Variants in RBL2 observed in about 807,000 individuals in gnomAD.
RBL2 encodes RB transcriptional corepressor like 2.
In RBL2, 56 loss-of-function variants were observed where a neutral mutation model predicts 126.0. That is an observed-to-expected ratio of 0.44 (90% CI 0.36 to 0.56). The LOEUF is 0.56. Among genes scored for constraint, RBL2 ranks in the 20% least tolerant of loss-of-function variants. The pLI, the probability that RBL2 is intolerant of heterozygous loss-of-function variation, is 0.00. For synonymous variants in RBL2, 454 were observed against 478.5 expected (o/e 0.95, Z 0.67); for missense variants, 1,229 against 1,398.2 (o/e 0.88, Z 1.93).
At chr16:53,474,301 TTTTA>T (rs58302976) in intron 17 of RBL2, among the ~76,000 whole-genome samples, 48,769 of 149,744 alleles carry the variant, frequency 0.33, 8,583 homozygotes, top group African/African-American at 0.43. Flanking sequence ...GCTGTAATTC[TTTTA>T]TTTATTTATT....
At chr16:53,484,798 G>C (rs1961095646) in intron 21 of RBL2, among the ~76,000 whole-genome samples, 1 of 152,148 alleles carries the variant, frequency 6.6e-6, no homozygotes. Flanking sequence ...CCATGGAGCT[G>C]TACACTTCAA....
At chr16:53,483,814 T>C (rs997795398) in intron 21 of RBL2, among the ~76,000 whole-genome samples, 4 of 148,346 alleles carry the variant, frequency 2.7e-5, no homozygotes, top group African/African-American at 7.5e-5. Context: ...GAGGCAAAGT[T>C]TGCAGTGAGC....
At chr16:53,481,862 T>C (rs774669340) in intron 21 of RBL2, 27 bp downstream of exon 21, 14 of 1,543,570 alleles carry the variant, frequency 9.1e-6, no homozygotes, top group South Asian at 8.9e-5. Context: ...TCTTGGCCTT[T>C]ACTAACCTCA....
At chr16:53,434,880 T>A in intron 1 of RBL2, 84 bp downstream of exon 1, 2 of 1,392,306 alleles carry the variant, frequency 1.4e-6, no homozygotes, top group Non-Finnish European at 1.9e-6. Flanking sequence ...CTCGAGAGAC[T>A]CTCGGGCGGG....
At chr16:53,470,975 C>T (rs1211635531) in intron 17 of RBL2, 53 bp downstream of exon 17, 2 of 1,509,068 alleles carry the variant, frequency 1.3e-6, no homozygotes, top group Non-Finnish European at 1.8e-6. Context: ...TTACTGAGAA[C>T]ATTTTTTAAC....
chr16:53,470,195 G>A lies in RBL2; in HGVS notation c.2245+10G>A. ...ACCATTCCTGTGCAAGGTAAGGAAG[G>A]CAGAGTTGGATATTGAGTTCCTTCT... On this transcript the variant is annotated intron_variant, in intron 15 of 21. Transcript: ENST00000262133. The A allele has an allele frequency of 6.3e-7, 1 of 1,595,166 alleles. No homozygotes were observed.
At chr16:53,457,032 C>T (rs542923799) in intron 8 of RBL2, among the ~76,000 whole-genome samples, 3 of 152,016 alleles carry the variant, frequency 2.0e-5, no homozygotes, top group East Asian at 1.9e-4. Flanking sequence ...AGTAGACATT[C>T]GGGGAACATT....
intron 2 of RBL2, among the ~76,000 whole-genome samples, chr16:53,439,816 T>C (rs2057996207): frequency 6.6e-6 from 1 of 151,688 alleles, no homozygotes; most frequent in African/African-American, 2.4e-5. Flanking sequence ...ACTTACTAAA[T>C]AAAAAAATTA....
At chr16:53,475,007 T>G (rs144134673) in intron 17 of RBL2, among the ~76,000 whole-genome samples, 18 of 152,352 alleles carry the variant, frequency 1.2e-4, no homozygotes, top group African/African-American at 4.3e-4. Flanking sequence ...GTGGGAAGTT[T>G]ATTGGTGAAT....
At chr16:53,477,242 C>T (rs1960760330) in intron 17 of RBL2, among the ~76,000 whole-genome samples, 1 of 152,180 alleles carries the variant, frequency 6.6e-6, no homozygotes, top group Non-Finnish European at 1.5e-5. Context: ...ATTATTGATA[C>T]AATTTTATGA....
At chr16:53,441,731 C>A (rs529014712) in intron 2 of RBL2, among the ~76,000 whole-genome samples, 29 of 152,184 alleles carry the variant, frequency 1.9e-4, no homozygotes, top group Admixed American at 3.3e-4. Context: ...GGATTAAGAC[C>A]AACTTTAGAA....
At chr16:53,475,339 C>T (rs117422907) in intron 17 of RBL2, among the ~76,000 whole-genome samples, 2,042 of 152,258 alleles carry the variant, frequency 0.013, 52 homozygotes, top group African/African-American at 0.045. Flanking sequence ...CCTCAGCCTC[C>T]TGAGTAGTTG....
At chr16:53,441,897 T>C (rs1337793998) in intron 2 of RBL2, among the ~76,000 whole-genome samples, 1 of 152,140 alleles carries the variant, frequency 6.6e-6, no homozygotes, top group Non-Finnish European at 1.5e-5. Context: ...CTCGGCTCAC[T>C]GCAACCTCCG....
intron 4 of RBL2, among the ~76,000 whole-genome samples, chr16:53,450,374 G>C (rs377337805): frequency 1.3e-5 from 2 of 152,182 alleles, no homozygotes; most frequent in South Asian, 4.1e-4. Flanking sequence ...ATGTACACTT[G>C]GGTAGGCGTT....
At chr16:53,452,668 AAAG>A (rs1427228810) in intron 5 of RBL2, among the ~76,000 whole-genome samples, 1 of 151,892 alleles carries the variant, frequency 6.6e-6, no homozygotes, top group Non-Finnish European at 1.5e-5. Flanking sequence ...TTTAAATTAA[AAAG>A]AATTTTTTTT....
chr16:53,471,535 C>T (rs890018782), intron 17 of RBL2, among the ~76,000 whole-genome samples: 1 of 151,604 alleles, frequency 6.6e-6, no homozygotes, highest in Non-Finnish European at 1.5e-5. Flanking sequence ...AGTGGTGCAT[C>T]TCAGCTCACT....
chr16:53,478,110 G>T (rs1714483952), intron 17 of RBL2, among the ~76,000 whole-genome samples: 4 of 151,994 alleles, frequency 2.6e-5, no homozygotes, highest in Admixed American at 1.3e-4. Context: ...TTTTAATACT[G>T]GATTCTTAGT....
chr16:53,481,915 GCACTCATTAGA>G, intron 21 of RBL2, 80 bp downstream of exon 21: 1 of 1,471,964 alleles, frequency 6.8e-7, no homozygotes, highest in Non-Finnish European at 9.5e-7. Context: ...CTAAGCTTAG[GCACTCATTAGA>G]GTGATGAGAG....
chr16:53,475,816 C>T (rs1450757766), intron 17 of RBL2, among the ~76,000 whole-genome samples: 2 of 138,648 alleles, frequency 1.4e-5, no homozygotes, highest in African/African-American at 5.5e-5. Flanking sequence ...TAAAAGATAC[C>T]TTTCTAATAT....
Sources: gnomAD v4.1 joint callset for allele counts (sites outside exome capture counted in the v4.1 genomes callset) on GRCh38, gnomAD v4.1.1 for gene constraint, MANE v1.5 for transcripts, NCBI Gene and HGNC (gene_info 2026-07-23, HGNC 2026-07-21) for gene names.